The following CPAMD8 variants were observed in gnomAD, a reference collection of about 807,000 sequenced individuals.
The protein encoded by CPAMD8 is C3 and PZP like alpha-2-macroglobulin domain containing 8, also known as C3 and PZP-like alpha-2-macroglobulin domain-containing protein 8.
A neutral mutation model predicts 224.7 loss-of-function variants in CPAMD8; 146 were observed. The ratio of observed to expected loss-of-function variants is 0.65; its 90% confidence interval spans 0.57 to 0.75. The LOEUF is 0.75. Among genes scored for constraint, CPAMD8 ranks in the 30% least tolerant of loss-of-function variants. The probability of loss-of-function intolerance (pLI) is 0.00; values close to 1 mark genes in which losing one functional copy is unlikely to be tolerated. For missense variants in CPAMD8, 2,301 were observed against 2,537.5 expected, an observed-to-expected ratio of 0.91 and a Z score of 2.00; for synonymous variants, 966 against 1,044.6, an observed-to-expected ratio of 0.92 and a Z score of 1.45.
At chr19:16,942,958 G>C (rs1300537322) in intron 22 of CPAMD8, among the ~76,000 whole-genome samples, 1 of 151,370 alleles carries the variant, frequency 6.6e-6, no homozygotes, top group Admixed American at 6.6e-5. Context: ...CATATAAATT[G>C]AATCATACAC....
chr19:16,905,986 C>CCA (rs1458034061), intron 30 of CPAMD8, among the ~76,000 whole-genome samples: 4 of 151,904 alleles, frequency 2.6e-5, no homozygotes, highest in Non-Finnish European at 2.9e-5. Context: ...ACCCAACCCT[C>CCA]CCCTGTCTCC....
At chr19:17,010,693 T>C (rs1023413989) in intron 5 of CPAMD8, among the ~76,000 whole-genome samples, 28 of 152,140 alleles carry the variant, frequency 1.8e-4, no homozygotes, top group Admixed American at 1.6e-3. Context: ...TAAGTATATA[T>C]ACATATACAG....
At chr19:16,967,833 A>G (rs1022471478) in intron 18 of CPAMD8, among the ~76,000 whole-genome samples, 1 of 34,584 alleles carries the variant, frequency 2.9e-5, no homozygotes, top group African/African-American at 1.3e-4. Context: ...ATATATGTAT[A>G]TATATACACA....
At chr19:16,990,863 CAAAAAAAA>C (rs3067791) in intron 12 of CPAMD8, among the ~76,000 whole-genome samples, 1,991 of 73,088 alleles carry the variant, frequency 0.027, 38 homozygotes, top group Non-Finnish European at 0.039. Context: ...AACTCTGTCT[CAAAAAAAA>C]AAAAAAAAAA....
intron 27 of CPAMD8, among the ~76,000 whole-genome samples, chr19:16,920,366 G>A (rs950607209): frequency 1.6e-4 from 25 of 152,164 alleles, no homozygotes; most frequent in African/African-American, 5.8e-4. Context: ...TGTATTCCCA[G>A]CTACTCGGGA....
intron 35 of CPAMD8, 82 bp downstream of exon 35, chr19:16,902,567 C>A: frequency 1.2e-6 from 1 of 803,966 alleles, no homozygotes; most frequent in Non-Finnish European, 2.0e-6. Flanking sequence ...GAGCCGGAAG[C>A]TCCTCCTGGT....
At chr19:17,001,757 G>A (rs2056331110) in intron 9 of CPAMD8, among the ~76,000 whole-genome samples, 1 of 151,828 alleles carries the variant, frequency 6.6e-6, no homozygotes, top group Non-Finnish European at 1.5e-5. Flanking sequence ...GCCTGTAGGA[G>A]GAGGGGGAAG....
intron 14 of CPAMD8, among the ~76,000 whole-genome samples, chr19:16,978,234 A>G (rs1310823155): frequency 1.3e-5 from 2 of 152,046 alleles, no homozygotes. Flanking sequence ...TGGGTACCCA[A>G]TCGGCCTTGG....
intron 17 of CPAMD8, among the ~76,000 whole-genome samples, chr19:16,972,269 T>A (rs1362276368): frequency 6.6e-6 from 1 of 151,958 alleles, no homozygotes; most frequent in Admixed American, 6.6e-5. Context: ...GCTCAAGTGA[T>A]CCTCCCACCT....
At chr19:17,023,222 C>G (rs977104446) in intron 1 of CPAMD8, among the ~76,000 whole-genome samples, 17 of 152,086 alleles carry the variant, frequency 1.1e-4, no homozygotes, top group Non-Finnish European at 1.8e-4. Context: ...CCCCAGTTTC[C>G]CCATGGGAAG....
rs774603626 is a variant in CPAMD8 at position 16,904,316 on chromosome 19, G to A, written c.4161C>T (p.Tyr1387=). ...CGGCAGCCACGTCACCCAGCAGAGT[G>A]TAGGTCAGAAGGGCGTAGGCTGTCA... The part of the protein sequence containing the change: ...VEMTAYALLT[Y]TLLGDVAAAL... The change falls in exon 32 of 42, where the codon TAC becomes TAT. Residue 1387 remains tyrosine (Y), a synonymous_variant. Transcript: ENST00000443236. The A allele has an allele frequency of 1.3e-5, 21 of 1,613,720 alleles. No individual in the cohort carries two copies. In the Admixed American group the frequency reaches 2.5e-4, roughly 19 times the overall value.
At chr19:16,993,668 C>A in intron 11 of CPAMD8, 82 bp from the exon 12 acceptor site, 2 of 1,283,512 alleles carry the variant, frequency 1.6e-6, no homozygotes, top group South Asian at 1.4e-5. Context: ...GCAATCCCCA[C>A]TGGAATCCCA....
intron 10 of CPAMD8, among the ~76,000 whole-genome samples, chr19:16,999,953 C>T (rs532846678): frequency 3.3e-5 from 5 of 152,242 alleles, no homozygotes; most frequent in Admixed American, 6.5e-5. Flanking sequence ...GCTGGGATTA[C>T]GGGTGTGAGC....
rs74937996 is a variant in CPAMD8, at chr19:16,970,980, G to C, written c.2124C>G (p.Asp708Glu). ...CAGCCTCATCGGTGTAGAGGCCACC[G>C]TCCTGCCGGTGGTTCAGGCTCACTC... ...TDRVSLNHRQ[D>E]GGLYTDEAVP... Residue 708 changes from aspartate to glutamate, a missense_variant, in exon 18 of 42, where the codon GAC becomes GAG. Asp to Glu is a conservative substitution (Grantham distance 45). This residue lies in a region of CPAMD8 where 1,709 missense variants were observed against 1,753.2 expected (regional missense o/e 0.97). Coordinates refer to ENST00000443236, the MANE Select transcript of CPAMD8 (RefSeq NM_015692.5). 4 of 1,613,394 alleles carry C rather than the reference G, an allele frequency of 2.5e-6. No homozygotes were observed. Among genetic ancestry groups the C allele is most frequent in the Non-Finnish European group, 3.4e-6 (4 of 1,179,642 alleles).
At chr19:16,969,118 C>G (rs904892141) in intron 18 of CPAMD8, among the ~76,000 whole-genome samples, 8 of 152,144 alleles carry the variant, frequency 5.3e-5, no homozygotes, top group Non-Finnish European at 1.2e-4. Flanking sequence ...GGAGATCAAG[C>G]CCCAGGTTCT....
chr19:16,936,936 A>G (rs1213021631), intron 23 of CPAMD8, among the ~76,000 whole-genome samples: 2 of 151,942 alleles, frequency 1.3e-5, no homozygotes, highest in Non-Finnish European at 2.9e-5. Context: ...AAGTCTAAAA[A>G]CTATATGCTT....
rs2053433251 is a variant in CPAMD8, at chr19:16,928,178, C to T, written c.3201G>A (p.Pro1067=). The T allele has an allele frequency of 3.7e-6, 6 of 1,614,134 alleles. No individual in the cohort carries two copies. The highest frequency in any genetic ancestry group is 5.1e-6 in the Non-Finnish European group (6 of 1,180,036). ...NESVIVAWTL[P]RPPEVQFIGF... Reference sequence around the variant, plus strand: ...CAATGAACTGGACCTCTGGTGGCCTCGGGAGGGTCCAGGCCACAATGACAG... The same window carrying T: ...CAATGAACTGGACCTCTGGTGGCCTTGGGAGGGTCCAGGCCACAATGACAG... Residue 1067 remains proline, a synonymous_variant, in exon 25 of 42, where the codon CCG becomes CCA. Coordinates refer to ENST00000443236, the MANE Select transcript of CPAMD8 (RefSeq NM_015692.5).
In CPAMD8 at chr19:16,898,911, A is replaced by T. The variant is rs1346097089; in HGVS notation, c.4848+564T>A. ...CTGGAATTTATTCTCCCAGTGTCTTATTTTTTTTTGTTTTTTTTTAGACAA... is the reference window on the plus strand; with the variant it reads ...CTGGAATTTATTCTCCCAGTGTCTTTTTTTTTTTTGTTTTTTTTTAGACAA... On this transcript the variant is annotated intron_variant, in intron 37 of 41. Transcript: ENST00000443236. This position sits in a 1 kb window ranked among gnomAD's most constrained non-coding sequence, Gnocchi z 4.2. 6.7e-6 allele frequency among the ~76,000 whole-genome samples: 1 copy of T among 149,428 alleles called. No individual in the cohort carries two copies. Among genetic ancestry groups the T allele is most frequent in the Non-Finnish European group, 1.5e-5 (1 of 67,368 alleles).
intron 17 of CPAMD8, among the ~76,000 whole-genome samples, chr19:16,973,317 G>A (rs1195763888): frequency 6.6e-6 from 1 of 152,120 alleles, no homozygotes; most frequent in Non-Finnish European, 1.5e-5. Flanking sequence ...AAGCAACACA[G>A]GTTGGGGAGG....
Sources: allele counts gnomAD v4.1 joint callset (sites outside exome capture counted in the v4.1 genomes callset), GRCh38; gene constraint gnomAD v4.1.1; regional missense constraint gnomAD v4.1.1; non-coding constraint Gnocchi (gnomAD v3.1); transcripts MANE v1.5; gene names NCBI Gene and HGNC (gene_info 2026-07-23, HGNC 2026-07-21).